Variants in CYP2F1 observed in about 807,000 individuals in gnomAD.
CYP2F1 encodes cytochrome P450 2F1.
A neutral mutation model predicts 40.4 loss-of-function variants in CYP2F1; 33 were observed. That is an observed-to-expected ratio of 0.82 (90% CI 0.62 to 1.09). CYP2F1 has a LOEUF of 1.09. Ranked by LOEUF, CYP2F1 falls within the 50% of genes least tolerant of loss-of-function variation. CYP2F1 has a pLI of 0.00. For synonymous variants in CYP2F1, 235 were observed against 277.2 expected (o/e 0.85, Z 1.51); for missense variants, 566 against 655.7 (o/e 0.86, Z 1.49).
At chr19:41,118,967 A>T (rs536984263) in intron 3 of CYP2F1, among the ~76,000 whole-genome samples, 4 of 152,172 alleles carry the variant, frequency 2.6e-5, no homozygotes, top group African/African-American at 9.7e-5. Flanking sequence ...GTCCCAGTCC[A>T]GTGGAAGACA....
rs139597756 is a variant in CYP2F1 at position 41,127,948 on chromosome 19, C to G, written c.1342C>G (p.Leu448Val). 1.6e-3 allele frequency: 2,507 copies of G among 1,613,410 alleles called. 5 individuals carry two copies. Among genetic ancestry groups the G allele is most frequent in the Non-Finnish European group, 1.9e-3 (2,270 of 1,179,966 alleles). ...GTCGCTGGCGCGCATGGAGCTCTTT[C>G]TGTACCTCACCGCCATCCTGCAGAG... ...GESLARMELF[L>V]YLTAILQSFS... is the part of the protein sequence containing the mutation. The change falls in exon 10 of 10, where the codon CTG becomes GTG. Residue 448 changes from leucine (L) to valine (V), a missense_variant. Leu to Val is a conservative substitution (Grantham distance 32, BLOSUM62 1). Around this residue, in one of 5 missense-constraint regions of CYP2F1, gnomAD observed 85 missense variants for 84.9 expected, o/e 1.00. Coordinates refer to ENST00000331105, the MANE Select transcript of CYP2F1 (RefSeq NM_000774.5).
intron 3 of CYP2F1, among the ~76,000 whole-genome samples, chr19:41,117,485 A>C (rs2031891145): frequency 6.6e-6 from 1 of 151,864 alleles, no homozygotes; most frequent in Non-Finnish European, 1.5e-5. Flanking sequence ...CTCCTAACCC[A>C]ATTACCTATT....
intron 7 of CYP2F1, 33 bp downstream of exon 7, chr19:41,122,996 C>T (rs780375537): frequency 6.3e-7 from 1 of 1,595,010 alleles, no homozygotes; most frequent in African/African-American, 1.3e-5. Context: ...CGTGGAGGTG[C>T]CCATGTGTTC....
chr19:41,115,499 C>A (rs2031737733), intron 1 of CYP2F1, among the ~76,000 whole-genome samples: 1 of 152,060 alleles, frequency 6.6e-6, no homozygotes, highest in African/African-American at 2.4e-5. Flanking sequence ...CTCTCTTTAT[C>A]ACTGTCTCTG....
In CYP2F1 at chr19:41,122,863, G is replaced by A. The variant is rs1184869569; in HGVS notation, c.864G>A (p.Leu288=). ...TGAGCCACTTCCACATGGATACCCT[G>A]CTGATGACCACACATAACCTGCTCT... ...DPLSHFHMDT[L]LMTTHNLLFG... Residue 288 remains leucine (L), a synonymous_variant, in exon 7 of 10, where the codon CTG becomes CTA. Coordinates refer to ENST00000331105, the MANE Select transcript of CYP2F1 (RefSeq NM_000774.5). 1 of 1,569,992 alleles carries A rather than the reference G, an allele frequency of 6.4e-7. No individual in the cohort carries two copies. Among genetic ancestry groups the A allele is most frequent in the East Asian group, 2.3e-5 (1 of 44,418 alleles).
intron 7 of CYP2F1, among the ~76,000 whole-genome samples, chr19:41,124,253 C>CACT (rs796530025): frequency 1.1e-5 from 1 of 93,144 alleles, no homozygotes; most frequent in South Asian, 4.5e-4. Flanking sequence ...CTTCCCCCCC[C>CACT]CCTTTTTTTT....
intron 3 of CYP2F1, among the ~76,000 whole-genome samples, chr19:41,118,424 A>G (rs980775912): frequency 1.3e-5 from 2 of 152,166 alleles, no homozygotes; most frequent in African/African-American, 2.4e-5. Context: ...TGGCTCCTGC[A>G]TTAGATGGGT....
intron 9 of CYP2F1, among the ~76,000 whole-genome samples, chr19:41,126,382 G>A (rs2032548209): frequency 6.6e-6 from 1 of 152,004 alleles, no homozygotes. Context: ...CCAAGATCAT[G>A]TCATTGCACT....
Position 41,120,464 on chromosome 19 carries a change from G to A in CYP2F1, c.452G>A (p.Ser151Asn), listed in dbSNP as rs2032128788. 1 of 1,613,716 alleles carries A rather than the reference G, an allele frequency of 6.2e-7. No homozygotes were observed. Among genetic ancestry groups the A allele is most frequent in the South Asian group, 1.1e-5 (1 of 91,064 alleles). The change falls in exon 4 of 10, where the codon AGC becomes AAC. Residue 151 changes from serine (S) to asparagine (N), a missense_variant. By Grantham distance (46) the Ser-to-Asn change is conservative (BLOSUM62 1). This residue lies in a region of CYP2F1 where 264 missense variants were observed against 275.7 expected (regional missense o/e 0.96). Transcript: ENST00000331105. ...GAGGAGCGAATCCTAGAGGAGGGCA[G>A]CTTCCTGCTGGCGGAGCTGCGGAAA... ...SIEERILEEG[S>N]FLLAELRKTE...
At chr19:41,122,519 CACACACAT>C (rs997673255) in intron 6 of CYP2F1, among the ~76,000 whole-genome samples, 2 of 151,672 alleles carry the variant, frequency 1.3e-5, no homozygotes, top group African/African-American at 4.9e-5. Flanking sequence ...CATACATACA[CACACACAT>C]ACACACATAC....
chr19:41,114,770 T>TTC (rs201163201), intron 1 of CYP2F1, among the ~76,000 whole-genome samples: 4,597 of 134,670 alleles, frequency 0.034, 182 homozygotes, highest in Admixed American at 0.059. Context: ...CTCCGTCTCT[T>TTC]TCTCTCTCTC....
rs1568381454 is a variant in CYP2F1 at position 41,124,257 on chromosome 19, T to TCCC, written c.965-462_965-461insCCC. Among the ~76,000 whole-genome samples, 60 of 20,754 alleles carry TCCC rather than the reference T, an allele frequency of 2.9e-3. 2 individuals are homozygous for TCCC. Among genetic ancestry groups the TCCC allele is most frequent in the Admixed American group, 5.1e-3 (8 of 1,560 alleles). The allele number at this position is 20,754 out of a possible 152,430, so 13.6% of individuals were successfully genotyped here. A position where few individuals can be genotyped will look rare whatever the true frequency, so the allele number is the denominator to read the frequency against. On this transcript the variant is annotated intron_variant, in intron 7 of 9. Coordinates refer to ENST00000331105, the MANE Select transcript of CYP2F1 (RefSeq NM_000774.5). ...TTTTTTTTCCTCTTCCCCCCCCCCT[T>TCCC]TTTTTTTTTTTTTTTTTTTTTTTTG...
intron 4 of CYP2F1, among the ~76,000 whole-genome samples, chr19:41,120,827 T>C (rs2032153239): frequency 8.4e-6 from 1 of 119,566 alleles, no homozygotes; most frequent in Non-Finnish European, 1.8e-5. Context: ...TCCATTCTAC[T>C]TTTTTTTTTT....
intron 8 of CYP2F1, 35 bp downstream of exon 8, chr19:41,124,941 T>C (rs2032469169): frequency 1.9e-6 from 3 of 1,558,912 alleles, no homozygotes; most frequent in Admixed American, 3.5e-5. Context: ...TCAGGCAACC[T>C]AAGAGGAGGC....
chr19:41,121,269 C>T (rs112669251), intron 4 of CYP2F1, among the ~76,000 whole-genome samples, 189 bp from the exon 5 acceptor site: 8,624 of 149,214 alleles, frequency 0.058, 617 homozygotes, highest in African/African-American at 0.17. Context: ...GGTTCGGTGC[C>T]GTCTGTGGCA....
chr19:41,119,863 C>T (rs141816546), intron 3 of CYP2F1, among the ~76,000 whole-genome samples: 9,066 of 150,188 alleles, frequency 0.06, 442 homozygotes, highest in Admixed American at 0.14. Flanking sequence ...ATCACCTGAA[C>T]CCGGGAGGCG....
rs560851216 is a variant in CYP2F1, at chr19:41,122,715, A to C, written c.823-107A>C. On this transcript the variant is annotated intron_variant, in intron 6 of 9. Transcript: ENST00000331105. ...GTTCCCCAGCTCTCCCAGGGAAAGA[A>C]AGTTAAACCCAGCTGGGACCGAATG... 2.3e-4 allele frequency: 279 copies of C among 1,225,426 alleles called. 1 individual carries two copies. The African/African-American group carries it at 3.8e-3, about 17-fold the overall frequency. The allele number at this position is 1,225,426 out of a possible 1,614,324, so 75.9% of individuals were successfully genotyped here.
intron 3 of CYP2F1, among the ~76,000 whole-genome samples, chr19:41,119,709 CTCTCTCTCTCTCTCTA>C (rs1319318004): frequency 6.1e-5 from 2 of 32,532 alleles, no homozygotes; most frequent in Admixed American, 4.1e-4. Flanking sequence ...CTCTCTCTCT[CTCTCTCTCTCTCTCTA>C]TATATATATA....
chr19:41,115,069 C>T (rs1302526826), intron 1 of CYP2F1, among the ~76,000 whole-genome samples: 2 of 152,104 alleles, frequency 1.3e-5, no homozygotes, highest in African/African-American at 4.8e-5. Context: ...CGTGCCCGGC[C>T]TCAGTCTCTC....
Sources: gnomAD v4.1 joint callset for allele counts (sites outside exome capture counted in the v4.1 genomes callset) on GRCh38, gnomAD v4.1.1 for gene constraint, gnomAD v4.1.1 regional missense constraint, MANE v1.5 for transcripts, NCBI Gene and HGNC (gene_info 2026-07-23, HGNC 2026-07-21) for gene names.